Variants in TDRD10 observed in about 807,000 individuals in gnomAD.
TDRD10 encodes tudor domain containing 10.
In TDRD10, 40 loss-of-function variants were observed where a neutral mutation model predicts 48.0. The ratio of observed to expected loss-of-function variants is 0.83; its 90% CI spans 0.65 to 1.09. The LOEUF is 1.09. Ranked by LOEUF, TDRD10 falls within the 50% of genes least tolerant of loss-of-function variation. The pLI is 0.00. For synonymous variants in TDRD10, 162 were observed against 170.4 expected (o/e 0.95, Z 0.38); for missense variants, 378 against 434.7 (o/e 0.87, Z 1.16).
At chr1:154,545,366 T>C (rs945583523) in intron 11 of TDRD10, among the ~76,000 whole-genome samples, 2 of 152,202 alleles carry the variant, frequency 1.3e-5, no homozygotes, top group African/African-American at 4.8e-5. Context: ...GCACAGCACT[T>C]AGCACTGCAC....
rs979162911 is a variant in TDRD10 at position 154,505,005 on chromosome 1, C to G, written c.-27-1872C>G. Reference sequence around the variant, plus strand: ...CTGTCTCAAAAACAAAAAACAACAACAACAAAAAACTACACAAATAGGTTA... The same window carrying G: ...CTGTCTCAAAAACAAAAAACAACAAGAACAAAAAACTACACAAATAGGTTA... On this transcript the variant is annotated intron_variant, in intron 1 of 12. Coordinates refer to ENST00000368482, the MANE Select transcript of TDRD10 (RefSeq NM_182499.4). Among the ~76,000 whole-genome samples the G allele has an allele frequency of 2.0e-5, 3 of 152,026 alleles. No individual in the cohort carries two copies. The South Asian group carries it at 6.2e-4, about 32-fold the overall frequency.
chr1:154,503,852 CA>C lies in TDRD10; in HGVS notation c.-28+824del, dbSNP rs548493814. Among the ~76,000 whole-genome samples, 485 of 152,264 alleles carry C rather than the reference CA, an allele frequency of 3.2e-3. 2 individuals are homozygous for C. Among genetic ancestry groups the C allele is most frequent in the African/African-American group, 0.011 (465 of 41,544 alleles). ...TGACGTTCTTGAAAATGCGTAGTGA[CA>C]TTTTTTTAAAGCTTTATTGAGATAT... On this transcript the variant is annotated intron_variant, in intron 1 of 12. Coordinates refer to ENST00000368482, the MANE Select transcript of TDRD10 (RefSeq NM_182499.4).
At chr1:154,518,008 C>T (rs758280090) in intron 4 of TDRD10, among the ~76,000 whole-genome samples, 2 of 152,182 alleles carry the variant, frequency 1.3e-5, no homozygotes, top group African/African-American at 2.4e-5. Flanking sequence ...GCCAGTTGGA[C>T]GGGCATGAAA....
intron 11 of TDRD10, among the ~76,000 whole-genome samples, chr1:154,547,175 C>T (rs920360933): frequency 2.6e-5 from 4 of 152,178 alleles, no homozygotes; most frequent in Non-Finnish European, 5.9e-5. Flanking sequence ...TAACAAGTGC[C>T]TCCTCCCTTT....
At position 154,533,464 on chromosome 1, in the gene TDRD10, C is replaced by T. The variant is rs190726698; in HGVS notation, c.370-8560C>T. On this transcript the variant is annotated intron_variant, in intron 6 of 12. Transcript: ENST00000368482. The stretch of plus-strand genomic sequence containing the variant: ...GGAAAACCCAGAGAAGTCATCACCA[C>T]GTTGTACCCTGGGTTCCAAGGTCTC... Among the ~76,000 whole-genome samples the T allele has an allele frequency of 6.0e-5, 9 of 151,196 alleles. No individual in the cohort carries two copies. In the East Asian group the frequency reaches 1.7e-3, roughly 29 times the overall value.
chr1:154,509,913 C>A (rs1239890005), intron 4 of TDRD10: 1 of 964,254 alleles, frequency 1.0e-6, no homozygotes, highest in Non-Finnish European at 1.2e-6. Context: ...TTCCCCCCTC[C>A]CCAGTAGACC....
At position 154,502,855 on chromosome 1, in the gene TDRD10, C is replaced by A. The variant is rs6698971; in HGVS notation, c.-202C>A. On this transcript the variant is annotated 5_prime_UTR_variant, in exon 1 of 13. Coordinates refer to ENST00000368482, the MANE Select transcript of TDRD10 (RefSeq NM_182499.4). ...CTCCTGCGCTAGTTCCGTTACTCTTCGGTGGCACACGGTCCTGGGCAGCGC... is the reference window on the plus strand; with the variant it reads ...CTCCTGCGCTAGTTCCGTTACTCTTAGGTGGCACACGGTCCTGGGCAGCGC... 0.59 allele frequency: 89,301 copies of A among 151,552 alleles called. 26,872 individuals carry two copies. Among genetic ancestry groups the A allele is most frequent in the East Asian group, 0.76 (3,855 of 5,092 alleles). 9.4% of individuals were successfully genotyped at this position (151,552 alleles called of 1,614,324 possible).
At chr1:154,527,893 C>T (rs995138465) in intron 6 of TDRD10, among the ~76,000 whole-genome samples, 7 of 152,154 alleles carry the variant, frequency 4.6e-5, no homozygotes, top group Non-Finnish European at 1.0e-4. Context: ...AGCAGATTCA[C>T]ATACAATTGT....
At chr1:154,540,668 C>T (rs1056270414) in intron 6 of TDRD10, among the ~76,000 whole-genome samples, 2 of 152,096 alleles carry the variant, frequency 1.3e-5, no homozygotes, top group Non-Finnish European at 2.9e-5. Flanking sequence ...GTGGACATCA[C>T]ATGTGAGTGG....
chr1:154,519,313 G>A (rs1489080675), intron 4 of TDRD10, among the ~76,000 whole-genome samples: 1 of 152,228 alleles, frequency 6.6e-6, no homozygotes, highest in Non-Finnish European at 1.5e-5. Flanking sequence ...AGAAAAATGA[G>A]TTATACATAA....
rs1180933465 is a variant in TDRD10, at chr1:154,522,750, T to C, written c.369+1271T>C. ...TTTGAAAGGGCAGACTGTCAGACTA[T>C]ACTGCTTAGGAACCTTCCTGGCAGC... On this transcript the variant is annotated intron_variant, in intron 6 of 12. Transcript: ENST00000368482. Among the ~76,000 whole-genome samples, 4 of 152,252 alleles carry C rather than the reference T, an allele frequency of 2.6e-5. No homozygotes were observed. In the East Asian group the frequency reaches 7.7e-4, roughly 29 times the overall value.
chr1:154,521,489 C>A lies in TDRD10; in HGVS notation c.369+10C>A, dbSNP rs1557821767. ...GCCTCGGGCCCCGCTGGTATGTCTT[C>A]TGGCCTTTCTGCTCTGGGGCGTTCC... is the stretch of plus-strand genomic sequence containing the variant. On this transcript the variant is annotated intron_variant, in intron 6 of 12. Coordinates refer to ENST00000368482, the MANE Select transcript of TDRD10 (RefSeq NM_182499.4). 6.2e-7 allele frequency: 1 copy of A among 1,612,880 alleles called. No homozygotes were observed. The highest frequency in any genetic ancestry group is 8.5e-7 in the Non-Finnish European group (1 of 1,179,810).
chr1:154,514,923 A>G (rs1166214410), intron 4 of TDRD10, among the ~76,000 whole-genome samples: 1 of 151,750 alleles, frequency 6.6e-6, no homozygotes, highest in Non-Finnish European at 1.5e-5. Flanking sequence ...GCTAGAGTGC[A>G]GTGGCGTGAT....
chr1:154,545,074 AC>A, intron 11 of TDRD10, 125 bp downstream of exon 11: 2 of 1,309,884 alleles, frequency 1.5e-6, no homozygotes, highest in Non-Finnish European at 2.1e-6. Context: ...TTTCCACCCA[AC>A]CCCAGTTTTC....
intron 4 of TDRD10, among the ~76,000 whole-genome samples, chr1:154,512,555 G>A (rs993481136): frequency 3.3e-5 from 5 of 152,118 alleles, no homozygotes; most frequent in Admixed American, 1.3e-4. Flanking sequence ...TGATGGTCAG[G>A]CTGGTCTTGA....
intron 1 of TDRD10, among the ~76,000 whole-genome samples, chr1:154,503,984 C>T (rs1443157114): frequency 6.6e-6 from 1 of 152,182 alleles, no homozygotes; most frequent in African/African-American, 2.4e-5. Flanking sequence ...AATTTTAGAA[C>T]ATCTCCATCA....
At chr1:154,515,198 A>G (rs1035639706) in intron 4 of TDRD10, among the ~76,000 whole-genome samples, 4 of 151,950 alleles carry the variant, frequency 2.6e-5, no homozygotes, top group African/African-American at 9.7e-5. Flanking sequence ...GGATTTCGCC[A>G]TGTTGCTCAG....
At chr1:154,510,238 C>T (rs1217204118) in intron 4 of TDRD10, among the ~76,000 whole-genome samples, 2 of 64,380 alleles carry the variant, frequency 3.1e-5, no homozygotes, top group African/African-American at 8.2e-5. Context: ...GACCACATCT[C>T]TTAAAAAAAA....
chr1:154,537,313 G>A (rs189389041), intron 6 of TDRD10, among the ~76,000 whole-genome samples: 1 of 152,202 alleles, frequency 6.6e-6, no homozygotes, highest in Non-Finnish European at 1.5e-5. Flanking sequence ...CCACCAGAAC[G>A]TGAGCTTTGT....
Sources: gnomAD v4.1 joint callset for allele counts (sites outside exome capture counted in the v4.1 genomes callset) on GRCh38, gnomAD v4.1.1 for gene constraint, MANE v1.5 for transcripts, NCBI Gene and HGNC (gene_info 2026-07-23, HGNC 2026-07-21) for gene names.